The following CCDC141 variants were observed in gnomAD, a reference collection of about 807,000 sequenced individuals.
CCDC141 encodes the protein coiled-coil domain containing 141.
Under a neutral mutation model 181.0 loss-of-function variants are expected in CCDC141, and 168 were observed. The observed-to-expected ratio is 0.93, with a 90% CI of 0.82 to 1.05. CCDC141 has a LOEUF of 1.05. Ranked by LOEUF, CCDC141 falls within the 50% of genes least tolerant of loss-of-function variation. The pLI, the probability that CCDC141 is intolerant of heterozygous loss-of-function variation, is 0.00. For synonymous variants in CCDC141, 666 were observed against 642.3 expected (o/e 1.04, Z -0.56); for missense variants, 1,902 against 1,788.5 (o/e 1.06, Z -1.14).
At position 178,868,008 on chromosome 2, in the gene CCDC141, G is replaced by A; in HGVS notation, c.2574+18C>T. On this transcript the variant is annotated intron_variant, in intron 16 of 23. Transcript: ENST00000443758. ...CAGCTAGAACTGAGTCTAAATGATA[G>A]TGTTATTAGATGCTTACAGGCCGCT... 1 of 1,586,544 alleles carries A rather than the reference G, an allele frequency of 6.3e-7. No individual in the cohort carries two copies. Among genetic ancestry groups the A allele is most frequent in the Non-Finnish European group, 8.6e-7 (1 of 1,158,420 alleles).
intron 2 of CCDC141, among the ~76,000 whole-genome samples, chr2:178,993,384 G>C (rs1001303173): frequency 6.6e-6 from 1 of 152,148 alleles, no homozygotes; most frequent in Non-Finnish European, 1.5e-5. Context: ...CACATCTTAC[G>C]TGGATAGTGC....
chr2:178,867,797 A>AT (rs957530845), intron 16 of CCDC141, among the ~76,000 whole-genome samples: 4 of 152,036 alleles, frequency 2.6e-5, no homozygotes, highest in African/African-American at 9.7e-5. Context: ...CTCTTTAAAA[A>AT]TTTTTTTTCA....
At chr2:178,952,575 T>C (rs1689995943) in intron 5 of CCDC141, among the ~76,000 whole-genome samples, 1 of 152,188 alleles carries the variant, frequency 6.6e-6, no homozygotes, top group South Asian at 2.1e-4. Flanking sequence ...TTGGAAGCAA[T>C]AGTCATTCGC....
intron 11 of CCDC141, 79 bp downstream of exon 11, chr2:178,884,822 C>T: frequency 8.5e-7 from 1 of 1,176,446 alleles, no homozygotes; most frequent in Non-Finnish European, 1.2e-6. Context: ...CCCACCAAGG[C>T]AGAGCATATA....
intron 2 of CCDC141, among the ~76,000 whole-genome samples, chr2:179,041,480 G>A (rs1050417727): frequency 8.3e-5 from 11 of 133,264 alleles, no homozygotes; most frequent in Non-Finnish European, 1.8e-4. Context: ...ATTTAATCGG[G>A]TTGGTTGTGG....
chr2:178,855,577 C>G (rs2154367563), intron 18 of CCDC141, 36 bp from the exon 19 acceptor site: 4 of 1,440,030 alleles, frequency 2.8e-6, no homozygotes, highest in Non-Finnish European at 3.8e-6. Context: ...AAACAACATT[C>G]AATTTGTATT....
rs114499518 is a variant in CCDC141, at chr2:178,994,380, T to C, written c.226-15705A>G. Among the ~76,000 whole-genome samples, 1,177 of 152,342 alleles carry C rather than the reference T, an allele frequency of 7.7e-3. 5 individuals are homozygous for C. Among genetic ancestry groups the C allele is most frequent in the South Asian group, 0.01 (50 of 4,818 alleles). On this transcript the variant is annotated intron_variant, in intron 2 of 23. Transcript: ENST00000443758. ...GCTGCCAAGGTTTCAGGTTTGCACCTTCTGAAGCTACAGCCCAAGCTCTGT... is the reference window on the plus strand; with the variant it reads ...GCTGCCAAGGTTTCAGGTTTGCACCCTCTGAAGCTACAGCCCAAGCTCTGT...
chr2:178,951,022 G>T (rs1183767315), intron 5 of CCDC141, among the ~76,000 whole-genome samples: 1 of 152,140 alleles, frequency 6.6e-6, no homozygotes, highest in East Asian at 1.9e-4. Flanking sequence ...TTAATGGATG[G>T]AAAGTTATTT....
intron 5 of CCDC141, among the ~76,000 whole-genome samples, chr2:178,945,622 G>A (rs547067940): frequency 2.6e-5 from 4 of 152,114 alleles, no homozygotes; most frequent in Non-Finnish European, 4.4e-5. Context: ...TGCCATCAGC[G>A]GGAATGACTT....
intron 2 of CCDC141, among the ~76,000 whole-genome samples, chr2:179,015,414 CATATATCTCATATATGTACCAT>C (rs1559049669): frequency 1.0e-4 from 11 of 105,016 alleles, no homozygotes; most frequent in Admixed American, 3.5e-4. Flanking sequence ...ATATATGTAC[CATATATCTCATATATGTACCAT>C]ATATATCTCA....
chr2:179,000,606 C>T (rs1012567298), intron 2 of CCDC141, among the ~76,000 whole-genome samples: 4 of 152,074 alleles, frequency 2.6e-5, no homozygotes, highest in Non-Finnish European at 4.4e-5. Context: ...ACATGGGATG[C>T]CATAATTTAT....
chr2:178,919,308 T>C (rs1469775984), intron 6 of CCDC141, among the ~76,000 whole-genome samples: 7 of 152,356 alleles, frequency 4.6e-5, no homozygotes, highest in Non-Finnish European at 7.3e-5. Context: ...TCAGAGAATA[T>C]TTAGATATGC....
chr2:179,009,743 T>C lies in CCDC141; in HGVS notation c.226-31068A>G, dbSNP rs577789784. 2.0e-5 allele frequency among the ~76,000 whole-genome samples: 3 copies of C among 152,144 alleles called. No homozygotes were observed. The East Asian group carries it at 5.8e-4, about 29-fold the overall frequency. On this transcript the variant is annotated intron_variant, in intron 2 of 23. Coordinates refer to ENST00000443758, the MANE Select transcript of CCDC141 (RefSeq NM_173648.4). The stretch of plus-strand genomic sequence containing the variant: ...GTGGTTTAATGCTCTATTTTTGTAC[T>C]GGTTGGCCTCCCCAAAAAATCACAT...
rs919594279 is a variant in CCDC141, at chr2:178,851,808, A to T, written c.3244+1633T>A. ...TCTTGAATGGAGGAACTAGGTCTTA[A>T]TTGTCTTTATAACAGCCACAGCTCT... On this transcript the variant is annotated intron_variant, in intron 20 of 23. Coordinates refer to ENST00000443758, the MANE Select transcript of CCDC141 (RefSeq NM_173648.4). Among the ~76,000 whole-genome samples, 5 of 152,214 alleles carry T rather than the reference A, an allele frequency of 3.3e-5. No homozygotes were observed. In the East Asian group the frequency reaches 9.6e-4, roughly 29 times the overall value.
At chr2:178,866,060 T>C in intron 16 of CCDC141, 144 bp from the exon 17 acceptor site, 2 of 579,690 alleles carry the variant, frequency 3.5e-6, no homozygotes, top group Non-Finnish European at 5.3e-6. Context: ...TTAAACATAT[T>C]TGAACATAAT....
chr2:179,013,117 G>A (rs568138940), intron 2 of CCDC141, among the ~76,000 whole-genome samples: 3 of 152,198 alleles, frequency 2.0e-5, no homozygotes, highest in African/African-American at 4.8e-5. Flanking sequence ...CCTAGCCAGA[G>A]CAATCAGACA....
chr2:178,955,240 G>A (rs1430508497), intron 5 of CCDC141, among the ~76,000 whole-genome samples: 1 of 152,040 alleles, frequency 6.6e-6, no homozygotes, highest in Non-Finnish European at 1.5e-5. Flanking sequence ...AGCCGAGACT[G>A]TGCCACTGCA....
At chr2:179,045,533 G>A (rs2043467785) in intron 2 of CCDC141, among the ~76,000 whole-genome samples, 1 of 152,012 alleles carries the variant, frequency 6.6e-6, no homozygotes. Flanking sequence ...ACCCAGTAAT[G>A]GGATGGCTGG....
At chr2:178,866,808 C>G (rs111624427) in intron 16 of CCDC141, among the ~76,000 whole-genome samples, 1 of 152,104 alleles carries the variant, frequency 6.6e-6, no homozygotes, top group East Asian at 1.9e-4. Context: ...TCACTGCAAC[C>G]TCCGCCTCCT....
Sources: allele counts gnomAD v4.1 joint callset (sites outside exome capture counted in the v4.1 genomes callset), GRCh38; gene constraint gnomAD v4.1.1; transcripts MANE v1.5; gene names NCBI Gene and HGNC (gene_info 2026-07-23, HGNC 2026-07-21).